Variants in NAA25 observed in about 807,000 individuals in gnomAD.
NAA25 encodes N-alpha-acetyltransferase 25, NatB auxiliary subunit.
A neutral mutation model predicts 132.5 loss-of-function variants in NAA25; 30 were observed. That is an observed-to-expected ratio of 0.23 (90% CI 0.17 to 0.31). The LOEUF is 0.31. Ranked by LOEUF, NAA25 falls within the 10% of genes least tolerant of loss-of-function variation. NAA25 has a pLI of 1.00. For missense variants in NAA25, 771 were observed against 1,150.4 expected, an observed-to-expected ratio of 0.67 and a Z score of 4.77; for synonymous variants, 359 against 401.9, an observed-to-expected ratio of 0.89 and a Z score of 1.28.
In NAA25 at chr12:112,074,708, T is replaced by C; in HGVS notation, c.833A>G (p.Glu278Gly). Reference protein sequence around the residue: ...TYFDSVFRLIEEAWSPPAEGE... With the variant: ...TYFDSVFRLIGEAWSPPAEGE... ...TTCAGCAGGAGGACTCCAGGCCTCT[T>C]CAATCAGTCGAAAGACAGAATCGAA... The change falls in exon 9 of 24, where the codon GAA becomes GGA. Residue 278 changes from glutamate (E) to glycine (G), a missense_variant. Around this residue, in one of 3 missense-constraint regions of NAA25, gnomAD observed 417 missense variants for 733.8 expected, o/e 0.57. Coordinates refer to ENST00000261745, the MANE Select transcript of NAA25 (RefSeq NM_024953.4). 1 of 1,611,742 alleles carries C rather than the reference T, an allele frequency of 6.2e-7. No individual in the cohort carries two copies. The highest frequency in any genetic ancestry group is 8.5e-7 in the Non-Finnish European group (1 of 1,179,036).
chr12:112,104,776 C>T (rs1192383924), intron 1 of NAA25, among the ~76,000 whole-genome samples: 1 of 151,172 alleles, frequency 6.6e-6, no homozygotes, highest in Admixed American at 6.6e-5. Context: ...GTGGAGCTTG[C>T]AGTGAGCGGA....
intron 4 of NAA25, among the ~76,000 whole-genome samples, chr12:112,084,133 T>C (rs967260741): frequency 6.6e-6 from 1 of 152,156 alleles, no homozygotes; most frequent in Non-Finnish European, 1.5e-5. Flanking sequence ...GAGAATGTCA[T>C]TTACAGGAAA....
At position 112,098,024 on chromosome 12, in the gene NAA25, G is replaced by A. The variant is rs61941320; in HGVS notation, c.59-4888C>T. 1.6e-3 allele frequency among the ~76,000 whole-genome samples: 248 copies of A among 150,504 alleles called. 1 individual carries two copies. The highest frequency in any genetic ancestry group is 2.8e-3 in the Non-Finnish European group (187 of 67,886). On this transcript the variant is annotated intron_variant, in intron 1 of 23. Coordinates refer to ENST00000261745, the MANE Select transcript of NAA25 (RefSeq NM_024953.4). ...TAATCCCAGCTACTTGGGAGGCTGA[G>A]GCCTAAGAATCACTTGAACCCGGGA...
chr12:112,084,634 C>A (rs962536075), intron 4 of NAA25, among the ~76,000 whole-genome samples: 2 of 150,000 alleles, frequency 1.3e-5, no homozygotes, highest in Non-Finnish European at 3.0e-5. Context: ...ACTATAAATA[C>A]AAAAAATTAG....
intron 11 of NAA25, among the ~76,000 whole-genome samples, chr12:112,062,286 C>T (rs1438201938): frequency 1.3e-5 from 2 of 151,544 alleles, no homozygotes; most frequent in East Asian, 1.9e-4. Context: ...CTGTAATCCC[C>T]GCTACTCAGG....
intron 15 of NAA25, among the ~76,000 whole-genome samples, chr12:112,052,506 T>C (rs568032736): frequency 6.6e-6 from 1 of 152,326 alleles, no homozygotes; most frequent in East Asian, 1.9e-4. Flanking sequence ...TCCACCTGCT[T>C]AGAGCTGTCC....
chr12:112,029,700 C>A, intron 23 of NAA25, 47 bp from the exon 24 acceptor site: 1 of 1,586,710 alleles, frequency 6.3e-7, no homozygotes, highest in South Asian at 1.1e-5. Flanking sequence ...AAAAACCATC[C>A]CCCCAGATTC....
chr12:112,057,713 G>A (rs774142316), intron 13 of NAA25, among the ~76,000 whole-genome samples: 20 of 152,118 alleles, frequency 1.3e-4, no homozygotes, highest in African/African-American at 1.4e-4. Context: ...AAATTAGGCC[G>A]GGCGCAGTGG....
chr12:112,044,420 C>G (rs2078347030), intron 17 of NAA25, among the ~76,000 whole-genome samples: 1 of 151,748 alleles, frequency 6.6e-6, no homozygotes, highest in African/African-American at 2.4e-5. Context: ...CCTGTTATCC[C>G]AGCACTTTGG....
At chr12:112,101,768 C>CA (rs551338644) in intron 1 of NAA25, among the ~76,000 whole-genome samples, 65 of 140,830 alleles carry the variant, frequency 4.6e-4, no homozygotes, top group East Asian at 3.3e-3. Flanking sequence ...AAAAATCTAT[C>CA]AAAAAAAAAA....
chr12:112,085,007 G>A (rs2079025047), intron 4 of NAA25, among the ~76,000 whole-genome samples: 3 of 151,894 alleles, frequency 2.0e-5, no homozygotes, highest in Admixed American at 6.6e-5. Flanking sequence ...TGAGGCAGGT[G>A]GGTCAAGAGG....
chr12:112,107,346 T>C (rs1429769088), intron 1 of NAA25, among the ~76,000 whole-genome samples: 1 of 151,096 alleles, frequency 6.6e-6, no homozygotes. Context: ...TTAGACAAAT[T>C]ACACAACAAC....
At chr12:112,080,790 C>T (rs2078963146) in intron 5 of NAA25, among the ~76,000 whole-genome samples, 1 of 152,132 alleles carries the variant, frequency 6.6e-6, no homozygotes. Flanking sequence ...TGAGCCACCA[C>T]ACCTGACCAA....
chr12:112,079,924 T>C (rs939028076), intron 5 of NAA25, among the ~76,000 whole-genome samples: 2 of 152,066 alleles, frequency 1.3e-5, no homozygotes, highest in Non-Finnish European at 2.9e-5. Context: ...CAGCAATAGA[T>C]TAGAGATTCA....
intron 17 of NAA25, among the ~76,000 whole-genome samples, chr12:112,044,532 T>C (rs1407030721): frequency 6.6e-6 from 1 of 151,012 alleles, no homozygotes; most frequent in Non-Finnish European, 1.5e-5. Context: ...TAGCCGGGCG[T>C]GGTGGTGGGC....
rs1384046739 is a variant in NAA25, at chr12:112,049,299, C to T, written c.1729-856G>A. 6.6e-6 allele frequency among the ~76,000 whole-genome samples: 1 copy of T among 152,172 alleles called. No homozygotes were observed. The highest frequency in any genetic ancestry group is 1.5e-5 in the Non-Finnish European group (1 of 68,032). On this transcript the variant is annotated intron_variant, in intron 15 of 23. Transcript: ENST00000261745. The surrounding 1 kb of genome is among the most constrained non-coding windows in gnomAD (Gnocchi z 4.7). ...GGTCTATGCCATCAGGATCAGAAGACAGGAGATTACCCCTTTGGGCCAAGG... is the reference window on the plus strand; with the variant it reads ...GGTCTATGCCATCAGGATCAGAAGATAGGAGATTACCCCTTTGGGCCAAGG...
intron 17 of NAA25, among the ~76,000 whole-genome samples, chr12:112,046,025 G>C (rs574571481): frequency 6.6e-6 from 1 of 152,166 alleles, no homozygotes; most frequent in South Asian, 2.1e-4. Flanking sequence ...AGCTATTATC[G>C]TTAGAAAGGC....
intron 13 of NAA25, among the ~76,000 whole-genome samples, chr12:112,059,816 T>TC (rs1390993424): frequency 6.6e-6 from 1 of 151,786 alleles, no homozygotes; most frequent in Non-Finnish European, 1.5e-5. Flanking sequence ...ACAGGTTTTT[T>TC]TTTTTTTTTG....
intron 11 of NAA25, among the ~76,000 whole-genome samples, chr12:112,067,724 T>C (rs1195205178): frequency 1.3e-5 from 2 of 152,122 alleles, no homozygotes; most frequent in Admixed American, 6.6e-5. Context: ...AACGGAATCA[T>C]ACTATGTGTA....
Sources: allele counts gnomAD v4.1 joint callset (sites outside exome capture counted in the v4.1 genomes callset), GRCh38; gene constraint gnomAD v4.1.1; regional missense constraint gnomAD v4.1.1; non-coding constraint Gnocchi (gnomAD v3.1); transcripts MANE v1.5; gene names NCBI Gene and HGNC (gene_info 2026-07-23, HGNC 2026-07-21).